Variants in CDH12 observed in about 807,000 individuals in gnomAD.
CDH12 encodes cadherin 12, also known as cadherin-12.
In CDH12, 41 loss-of-function variants were observed where a neutral mutation model predicts 74.1. That is an observed-to-expected ratio of 0.55 (90% CI 0.43 to 0.72). The LOEUF (loss-of-function observed/expected upper bound fraction) is 0.72. CDH12 is among the 30% of genes least tolerant of loss of function. CDH12 has a pLI of 0.00. For synonymous variants in CDH12, 399 were observed against 355.0 expected (o/e 1.12, Z -1.39); for missense variants, 945 against 977.2 (o/e 0.97, Z 0.44).
At chr5:22,180,210 T>C (rs181344542) in intron 4 of CDH12, among the ~76,000 whole-genome samples, 1 of 152,182 alleles carries the variant, frequency 6.6e-6, no homozygotes, top group Non-Finnish European at 1.5e-5. Flanking sequence ...TTTGCTTTTT[T>C]TCCTACCTAA....
At chr5:22,730,735 A>G (rs2127003302) in intron 1 of CDH12, among the ~76,000 whole-genome samples, 1 of 151,650 alleles carries the variant, frequency 6.6e-6, no homozygotes, top group South Asian at 2.1e-4. Context: ...CCAACAATGG[A>G]AAAAAAATCA....
chr5:22,687,209 G>A (rs1007650638), intron 1 of CDH12, among the ~76,000 whole-genome samples: 2 of 151,994 alleles, frequency 1.3e-5, no homozygotes, highest in East Asian at 1.9e-4. Context: ...CAGGAAAATC[G>A]TTTGAACCAG....
chr5:22,022,877 C>G (rs925736236), intron 5 of CDH12, among the ~76,000 whole-genome samples: 1 of 152,056 alleles, frequency 6.6e-6, no homozygotes, highest in African/African-American at 2.4e-5. Context: ...TTGTTTTTAG[C>G]TCTATTCCCA....
chr5:22,296,525 T>C (rs1737630203), intron 3 of CDH12, among the ~76,000 whole-genome samples: 1 of 152,200 alleles, frequency 6.6e-6, no homozygotes, highest in Non-Finnish European at 1.5e-5. Flanking sequence ...GAAGCTTTAT[T>C]TTGTAATTTA....
At chr5:22,461,562 T>C (rs2551485) in intron 2 of CDH12, among the ~76,000 whole-genome samples, 70,451 of 150,948 alleles carry the variant, frequency 0.47, 16,820 homozygotes, top group Admixed American at 0.64. Flanking sequence ...GACATATTAG[T>C]GAACACAGTA....
intron 1 of CDH12, among the ~76,000 whole-genome samples, chr5:22,667,301 C>T (rs908890627): frequency 5.9e-5 from 9 of 152,254 alleles, no homozygotes; most frequent in African/African-American, 1.9e-4. Flanking sequence ...CTGGTTGTCC[C>T]GTCATTTCCT....
chr5:21,993,339 C>A (rs923534124), intron 5 of CDH12, among the ~76,000 whole-genome samples: 11 of 152,114 alleles, frequency 7.2e-5, no homozygotes, highest in African/African-American at 2.4e-4. Context: ...ACTGTCAGGA[C>A]AATGGATTTT....
At position 22,387,370 on chromosome 5, in the gene CDH12, T is replaced by C. The variant is rs1000788856; in HGVS notation, c.-333+17887A>G. Among the ~76,000 whole-genome samples the C allele has an allele frequency of 2.5e-4, 38 of 152,282 alleles. No homozygotes were observed. In the South Asian group the frequency reaches 5.4e-3, roughly 22 times the overall value. On this transcript the variant is annotated intron_variant, in intron 3 of 14. Coordinates refer to ENST00000382254, the MANE Select transcript of CDH12 (RefSeq NM_004061.5). ...ATTCTCTGTAACTATATCTTCCCTTTAGTTGTTACAGCTTGTTGACTCCAA... is the reference window on the plus strand; with the variant it reads ...ATTCTCTGTAACTATATCTTCCCTTCAGTTGTTACAGCTTGTTGACTCCAA...
intron 1 of CDH12, among the ~76,000 whole-genome samples, chr5:22,716,823 G>C (rs1743603786): frequency 6.6e-6 from 1 of 151,462 alleles, no homozygotes; most frequent in Non-Finnish European, 1.5e-5. Flanking sequence ...TTAACAAAAA[G>C]TTTTAAAAAG....
chr5:22,404,203 A>T (rs992165029), intron 3 of CDH12, among the ~76,000 whole-genome samples: 9 of 150,832 alleles, frequency 6.0e-5, no homozygotes, highest in Non-Finnish European at 1.0e-4. Flanking sequence ...CACACACACA[A>T]TTTTTTTTTG....
chr5:21,891,079 T>C (rs530196051), intron 6 of CDH12, among the ~76,000 whole-genome samples: 3 of 152,208 alleles, frequency 2.0e-5, no homozygotes, highest in African/African-American at 4.8e-5. Flanking sequence ...ACCACATACC[T>C]TTCCAAAGGA....
At chr5:22,658,976 T>C (rs966357466) in intron 1 of CDH12, among the ~76,000 whole-genome samples, 2 of 152,134 alleles carry the variant, frequency 1.3e-5, no homozygotes, top group Non-Finnish European at 2.9e-5. Flanking sequence ...ATCAATAAAA[T>C]TGTCAATTGC....
intron 4 of CDH12, among the ~76,000 whole-genome samples, chr5:22,128,089 T>C (rs1381666971): frequency 1.3e-5 from 2 of 152,138 alleles, no homozygotes; most frequent in Non-Finnish European, 2.9e-5. Flanking sequence ...CCAAAGTTCA[T>C]TATTGTTCTT....
chr5:22,819,927 A>C (rs749769779), intron 1 of CDH12, among the ~76,000 whole-genome samples: 1 of 147,998 alleles, frequency 6.8e-6, no homozygotes, highest in South Asian at 2.1e-4. Context: ...ATATTTATAT[A>C]GATGTGTGTG....
chr5:22,318,033 C>T (rs950395537), intron 3 of CDH12, among the ~76,000 whole-genome samples: 1 of 152,168 alleles, frequency 6.6e-6, no homozygotes, highest in Admixed American at 6.5e-5. Context: ...TTTACAAATT[C>T]CTGAACACTT....
At chr5:22,587,287 A>C (rs1350344739) in intron 1 of CDH12, among the ~76,000 whole-genome samples, 1 of 152,110 alleles carries the variant, frequency 6.6e-6, no homozygotes, top group African/African-American at 2.4e-5. Context: ...AGGTGCAGAA[A>C]GAAGGTCCTC....
At chr5:22,678,052 G>A (rs1425046775) in intron 1 of CDH12, among the ~76,000 whole-genome samples, 1 of 151,338 alleles carries the variant, frequency 6.6e-6, no homozygotes, top group East Asian at 2.0e-4. Flanking sequence ...CATGGGGGGG[G>A]GGGTTAGGAT....
chr5:22,289,453 C>A (rs999188461), intron 3 of CDH12, among the ~76,000 whole-genome samples: 1 of 152,032 alleles, frequency 6.6e-6, no homozygotes, highest in African/African-American at 2.4e-5. Flanking sequence ...AGGAAGATAG[C>A]ATAAAATGTG....
chr5:21,883,964 T>A, intron 6 of CDH12: 1 of 1,605,408 alleles, frequency 6.2e-7, no homozygotes, highest in Non-Finnish European at 8.5e-7. Context: ...CTCCAGCTAA[T>A]GAAGATCAAA....
Sources: allele counts gnomAD v4.1 joint callset (sites outside exome capture counted in the v4.1 genomes callset), GRCh38; gene constraint gnomAD v4.1.1; transcripts MANE v1.5; gene names NCBI Gene and HGNC (gene_info 2026-07-23, HGNC 2026-07-21).